Variants in FREM1 observed in about 807,000 individuals in gnomAD.
FREM1 encodes the protein FRAS1-related extracellular matrix protein 1.
A neutral mutation model predicts 210.1 loss-of-function variants in FREM1; 220 were observed. The ratio of observed to expected loss-of-function variants is 1.05; its 90% CI spans 0.94 to 1.17. The LOEUF is 1.17. Among genes scored for constraint, FREM1 ranks in the 50% most tolerant of loss-of-function variants. The pLI, the probability that FREM1 is intolerant of heterozygous loss-of-function variation, is 0.00. For synonymous variants in FREM1, 1,189 were observed against 980.2 expected, an observed-to-expected ratio of 1.21 and a Z score of -3.98; for missense variants, 3,454 against 2,675.5, an observed-to-expected ratio of 1.29 and a Z score of -6.42.
chr9:14,867,581 G>C (rs1205168965), intron 2 of FREM1, among the ~76,000 whole-genome samples: 1 of 152,196 alleles, frequency 6.6e-6, no homozygotes, highest in South Asian at 2.1e-4. Flanking sequence ...ATAACTTGAA[G>C]TGTGGTAAAT....
intron 10 of FREM1, among the ~76,000 whole-genome samples, chr9:14,828,127 C>A (rs1374487624): frequency 2.0e-5 from 3 of 152,198 alleles, no homozygotes; most frequent in Admixed American, 6.5e-5. Flanking sequence ...CACCAATGTG[C>A]AACGCCATCC....
chr9:14,792,688 G>C, intron 22 of FREM1, 55 bp downstream of exon 22: 1 of 1,338,118 alleles, frequency 7.5e-7, no homozygotes, highest in Non-Finnish European at 1.0e-6. Flanking sequence ...TGTATATTGA[G>C]AAGATTTATA....
intron 1 of FREM1, among the ~76,000 whole-genome samples, chr9:14,905,228 G>A (rs1817480632): frequency 6.6e-6 from 1 of 152,174 alleles, no homozygotes; most frequent in Non-Finnish European, 1.5e-5. Flanking sequence ...TATCAGTTGA[G>A]TGACTAAATG....
chr9:14,845,687 G>C (rs1221296449), intron 8 of FREM1, among the ~76,000 whole-genome samples: 2 of 152,190 alleles, frequency 1.3e-5, no homozygotes, highest in African/African-American at 4.8e-5. Flanking sequence ...TAGTTAAGGA[G>C]TATACTTACA....
At chr9:14,791,650 T>G (rs1332604957) in intron 22 of FREM1, among the ~76,000 whole-genome samples, 2 of 152,122 alleles carry the variant, frequency 1.3e-5, no homozygotes, top group Non-Finnish European at 2.9e-5. Flanking sequence ...TCATGTCAGA[T>G]AGAATACAGA....
intron 1 of FREM1, among the ~76,000 whole-genome samples, chr9:14,888,624 G>C (rs193093598): frequency 1.4e-4 from 22 of 152,214 alleles, no homozygotes; most frequent in African/African-American, 5.1e-4. Flanking sequence ...AAGTCAAATA[G>C]GCCACTTCAT....
chr9:14,752,776 A>C (rs1843620033), intron 29 of FREM1, among the ~76,000 whole-genome samples: 1 of 152,184 alleles, frequency 6.6e-6, no homozygotes, highest in Non-Finnish European at 1.5e-5. Context: ...AATAAAATCC[A>C]ATACAGAAAA....
At chr9:14,908,818 T>C (rs1031583758) in intron 1 of FREM1, among the ~76,000 whole-genome samples, 1 of 152,126 alleles carries the variant, frequency 6.6e-6, no homozygotes, top group Non-Finnish European at 1.5e-5. Flanking sequence ...CTAAAATCCT[T>C]TGGGCCTGGG....
At chr9:14,747,659 G>A in intron 32 of FREM1, 22 bp downstream of exon 32, 1 of 1,410,234 alleles carries the variant, frequency 7.1e-7, no homozygotes, top group Non-Finnish European at 9.6e-7. Context: ...AAGAAATTTA[G>A]CAATTCTGTG....
rs1356988367 is a variant in FREM1 at position 14,842,424 on chromosome 9, T to C, written c.1630A>G (p.Met544Val). The C allele has an allele frequency of 6.2e-7, 1 of 1,614,028 alleles. No homozygotes were observed. The highest frequency in any genetic ancestry group is 8.5e-7 in the Non-Finnish European group (1 of 1,179,872). ...EGQTILIQGSMLRASDVDASD... is the reference protein window; with the variant it reads ...EGQTILIQGSVLRASDVDASD... The stretch of plus-strand genomic sequence containing the variant: ...GCGTCCACATCTGAAGCTCGCAGCA[T>C]GGATCCCTGGATCAGGATGGTCTGC... Residue 544 changes from methionine to valine, a missense_variant, in exon 9 of 37, where the codon ATG (methionine) becomes GTG (valine). Physicochemically the swap from Met to Val is conservative, Grantham distance 21. Coordinates refer to ENST00000380880, the MANE Select transcript of FREM1 (RefSeq NM_001379081.2).
rs1435345845 is a variant in FREM1 at position 14,836,599 on chromosome 9, C to G, written c.1881+4848G>C. Among the ~76,000 whole-genome samples the G allele has an allele frequency of 3.9e-5, 6 of 152,166 alleles. No homozygotes were observed. In the East Asian group the frequency reaches 9.6e-4, roughly 24 times the overall value. On this transcript the variant is annotated intron_variant, in intron 10 of 36. Transcript: ENST00000380880. The surrounding 1 kb of genome is among the most constrained non-coding windows in gnomAD (Gnocchi z 4.9). ...AATTGGTTAACCCCTTTATTAAGCC[C>G]TCTCTTGCTTATATGTCTTGAATTG...
intron 25 of FREM1, among the ~76,000 whole-genome samples, chr9:14,772,517 G>C (rs923198503): frequency 2.0e-5 from 3 of 152,102 alleles, no homozygotes; most frequent in Admixed American, 6.5e-5. Context: ...CAAAATAAAA[G>C]AAAGCCACCA....
chr9:14,800,479 G>A (rs1451048519), intron 20 of FREM1, among the ~76,000 whole-genome samples: 2 of 152,190 alleles, frequency 1.3e-5, no homozygotes, highest in Non-Finnish European at 2.9e-5. Context: ...AGGCTGCTAT[G>A]CAATGTGCCA....
chr9:14,871,366 A>G (rs558731736), intron 1 of FREM1, among the ~76,000 whole-genome samples: 7 of 152,276 alleles, frequency 4.6e-5, no homozygotes, highest in African/African-American at 1.7e-4. Context: ...GTGAGATGGT[A>G]TCTCATTGTG....
chr9:14,777,418 C>G (rs1202417376), intron 24 of FREM1, among the ~76,000 whole-genome samples: 1 of 152,064 alleles, frequency 6.6e-6, no homozygotes, highest in Non-Finnish European at 1.5e-5. Flanking sequence ...ATGGGACTGA[C>G]AAATTCACTG....
chr9:14,806,885 A>T, intron 17 of FREM1, 39 bp from the exon 18 acceptor site: 1 of 1,371,242 alleles, frequency 7.3e-7, no homozygotes, highest in Non-Finnish European at 1.0e-6. Flanking sequence ...CTTAGCATGA[A>T]ATCCTCTAAA....
chr9:14,906,927 C>T (rs1817810868), intron 1 of FREM1, among the ~76,000 whole-genome samples: 1 of 152,126 alleles, frequency 6.6e-6, no homozygotes, highest in South Asian at 2.1e-4. Context: ...AAGGATAAAC[C>T]TGAGAGTGAA....
intron 27 of FREM1, 53 bp downstream of exon 27, chr9:14,769,671 A>G: frequency 6.5e-7 from 1 of 1,546,640 alleles, no homozygotes; most frequent in Non-Finnish European, 8.8e-7. Context: ...CCTAATATTC[A>G]GATACATTAT....
intron 1 of FREM1, among the ~76,000 whole-genome samples, chr9:14,897,461 G>A (rs1045101245): frequency 7.8e-6 from 1 of 127,612 alleles, no homozygotes; most frequent in African/African-American, 3.4e-5. Context: ...ACAATTGGTT[G>A]TTGCTTTACC....
Sources: allele counts gnomAD v4.1 joint callset (sites outside exome capture counted in the v4.1 genomes callset), GRCh38; gene constraint gnomAD v4.1.1; non-coding constraint Gnocchi (gnomAD v3.1); transcripts MANE v1.5; gene names NCBI Gene and HGNC (gene_info 2026-07-23, HGNC 2026-07-21).